Variants in GRIA2 observed in about 807,000 individuals in gnomAD.
GRIA2 encodes glutamate receptor 2.
In GRIA2, 14 loss-of-function variants were observed where a neutral mutation model predicts 97.3. The ratio of observed to expected loss-of-function variants is 0.14; its 90% CI spans 0.10 to 0.23. The LOEUF is 0.23. GRIA2 is among the 10% of genes least tolerant of loss of function. The pLI is 1.00. For missense variants in GRIA2, 558 were observed against 1,069.8 expected (o/e 0.52, Z 6.67); for synonymous variants, 412 against 387.8 (o/e 1.06, Z -0.73).
Position 157,321,431 on chromosome 4 carries a change from T to C in GRIA2, c.721-7T>C, listed in dbSNP as rs746611940. The C allele has an allele frequency of 1.3e-6, 2 of 1,598,016 alleles. No individual in the cohort carries two copies. Among genetic ancestry groups the C allele is most frequent in the East Asian group, 2.2e-5 (1 of 44,680 alleles). ...AAAAGCGTGATATCAATGTGTTCTA[T>C]GTTTAGGGATTTACTGATGGAGACC... On this transcript the variant is annotated splice_polypyrimidine_tract_variant and splice_region_variant and intron_variant, in intron 5 of 15. Coordinates refer to ENST00000264426, the MANE Select transcript of GRIA2 (RefSeq NM_001083619.3).
intron 12 of GRIA2, among the ~76,000 whole-genome samples, chr4:157,348,969 T>C (rs959123096): frequency 2.0e-5 from 3 of 152,212 alleles, no homozygotes; most frequent in Non-Finnish European, 1.5e-5. Context: ...TATATAATTT[T>C]GCTCCAAATA....
chr4:157,324,480 T>C lies in GRIA2; in HGVS notation c.882+2881T>C, dbSNP rs376569742. ...AGTTTCTTGGCCATGATTTTGACAA[T>C]GTTTGGAGGGAAGGTCAAGGAAGGC... On this transcript the variant is annotated intron_variant, in intron 6 of 15. Coordinates refer to ENST00000264426, the MANE Select transcript of GRIA2 (RefSeq NM_001083619.3). Among the ~76,000 whole-genome samples the C allele has an allele frequency of 1.4e-4, 22 of 152,196 alleles. No homozygotes were observed. The East Asian group carries it at 3.9e-3, about 27-fold the overall frequency.
chr4:157,346,139 C>T (rs1022178532), intron 12 of GRIA2, among the ~76,000 whole-genome samples: 2 of 151,536 alleles, frequency 1.3e-5, no homozygotes, highest in South Asian at 4.2e-4. Context: ...AGATGTTAAC[C>T]TTTTTTCAAC....
intron 2 of GRIA2, among the ~76,000 whole-genome samples, chr4:157,229,222 T>G (rs969080571): frequency 1.3e-5 from 2 of 152,216 alleles, no homozygotes; most frequent in African/African-American, 4.8e-5. Flanking sequence ...TATTTTTTCT[T>G]TTTAGGGCCT....
At chr4:157,239,829 T>C (rs1441732242) in intron 2 of GRIA2, among the ~76,000 whole-genome samples, 1 of 152,030 alleles carries the variant, frequency 6.6e-6, no homozygotes, top group East Asian at 1.9e-4. Flanking sequence ...TCCATTTTTA[T>C]ATATTTTTCC....
chr4:157,342,489 G>C lies in GRIA2; in HGVS notation c.2043+1027G>C, dbSNP rs1033299659. ...GAATTAATTAGGTACCTCAATATAA[G>C]TGCAAAAATGTGGACCATCAGCAGC... On this transcript the variant is annotated intron_variant, in intron 12 of 15. Transcript: ENST00000264426. The C allele has an allele frequency of 2.4e-5, 23 of 978,534 alleles. No homozygotes were observed. In the African/African-American group the frequency reaches 3.7e-4, roughly 16 times the overall value. 60.6% of individuals were successfully genotyped at this position (978,534 alleles called of 1,614,324 possible). A position where few individuals can be genotyped will look rare whatever the true frequency, so the allele number is the denominator to read the frequency against.
intron 6 of GRIA2, 45 bp downstream of exon 6, chr4:157,321,644 A>G (rs1049530867): frequency 2.5e-5 from 35 of 1,376,356 alleles, no homozygotes; most frequent in Non-Finnish European, 3.3e-5. Flanking sequence ...ATATGTGAGG[A>G]GAGAGAAGAG....
chr4:157,319,177 T>C (rs1208328725), intron 5 of GRIA2, among the ~76,000 whole-genome samples: 3 of 152,136 alleles, frequency 2.0e-5, no homozygotes, highest in Non-Finnish European at 4.4e-5. Flanking sequence ...CTGTATTCAG[T>C]CTCTCCAGAA....
At position 157,361,687 on chromosome 4, in the gene GRIA2, A is replaced by T. The variant is rs1252092445; in HGVS notation, c.2406+563A>T. 1 of 1,440,220 alleles carries T rather than the reference A, an allele frequency of 6.9e-7. No individual in the cohort carries two copies. The allele number at this position is 1,440,220 out of a possible 1,614,324, so 89.2% of individuals were successfully genotyped here. A position where few individuals can be genotyped will look rare whatever the true frequency, so the allele number is the denominator to read the frequency against. On this transcript the variant is annotated intron_variant, in intron 14 of 15. Transcript: ENST00000264426. This position sits in a 1 kb window ranked among gnomAD's most constrained non-coding sequence, Gnocchi z 5.2. ...TGCAGGTTTTATGTGAAAAAACAAA[A>T]TCAAACACAAACAGCAAAATCAAAC...
intron 2 of GRIA2, among the ~76,000 whole-genome samples, chr4:157,251,083 G>T (rs939581539): frequency 6.6e-6 from 1 of 151,886 alleles, no homozygotes; most frequent in Non-Finnish European, 1.5e-5. Context: ...ATGCATTATG[G>T]AGCCTATCAA....
At chr4:157,250,858 G>A (rs779755444) in intron 2 of GRIA2, among the ~76,000 whole-genome samples, 1 of 152,012 alleles carries the variant, frequency 6.6e-6, no homozygotes, top group Admixed American at 6.6e-5. Context: ...ATGATCCCAG[G>A]GGACATTTAT....
intron 2 of GRIA2, among the ~76,000 whole-genome samples, chr4:157,237,385 C>A (rs1730302068): frequency 6.6e-6 from 1 of 151,718 alleles, no homozygotes; most frequent in African/African-American, 2.4e-5. Flanking sequence ...ACCGCAAACT[C>A]CTGAGCTCAG....
At chr4:157,284,877 C>T (rs1180308722) in intron 2 of GRIA2, among the ~76,000 whole-genome samples, 1 of 151,652 alleles carries the variant, frequency 6.6e-6, no homozygotes, top group Non-Finnish European at 1.5e-5. Context: ...GTAGTACAAG[C>T]AATGCAGCCA....
intron 11 of GRIA2, among the ~76,000 whole-genome samples, chr4:157,339,015 G>T (rs1420674133): frequency 6.6e-6 from 1 of 151,800 alleles, no homozygotes; most frequent in Non-Finnish European, 1.5e-5. Flanking sequence ...TATTATTAAT[G>T]TTAATAGGAC....
chr4:157,228,462 A>G (rs888655291), intron 2 of GRIA2, among the ~76,000 whole-genome samples: 3 of 152,188 alleles, frequency 2.0e-5, no homozygotes, highest in African/African-American at 7.2e-5. Context: ...TACATGTTGA[A>G]GAGGATTTAT....
intron 14 of GRIA2, chr4:157,362,464 G>A (rs564222984): frequency 3.2e-5 from 15 of 475,620 alleles, no homozygotes; most frequent in African/African-American, 1.2e-4. Context: ...AAACTGTCTT[G>A]TACCTTCAAT....
At chr4:157,257,304 C>T (rs190291228) in intron 2 of GRIA2, among the ~76,000 whole-genome samples, 2 of 152,048 alleles carry the variant, frequency 1.3e-5, no homozygotes, top group East Asian at 2.0e-4. Flanking sequence ...AATATTTAAT[C>T]GCCCTCTGAG....
chr4:157,349,147 C>G (rs1735891574), intron 12 of GRIA2, among the ~76,000 whole-genome samples: 1 of 152,090 alleles, frequency 6.6e-6, no homozygotes, highest in African/African-American at 2.4e-5. Context: ...GATACACTTT[C>G]CATCTATGGC....
rs554088386 is a variant in GRIA2, at chr4:157,349,977, G to T, written c.2043+8515G>T. ...GTTTCCAAATTCTGTTCATTTTAGA[G>T]ATATCATAACATTTATTGAGTTAAT... On this transcript the variant is annotated intron_variant, in intron 12 of 15. Coordinates refer to ENST00000264426, the MANE Select transcript of GRIA2 (RefSeq NM_001083619.3). Among the ~76,000 whole-genome samples, 79 of 152,130 alleles carry T rather than the reference G, an allele frequency of 5.2e-4. No individual in the cohort carries two copies. The South Asian group carries it at 0.016, about 30-fold the overall frequency.
Sources: allele counts gnomAD v4.1 joint callset (sites outside exome capture counted in the v4.1 genomes callset), GRCh38; gene constraint gnomAD v4.1.1; non-coding constraint Gnocchi (gnomAD v3.1); transcripts MANE v1.5; gene names NCBI Gene and HGNC (gene_info 2026-07-23, HGNC 2026-07-21).